The following GALNT13 variants were observed in gnomAD, a reference collection of about 807,000 sequenced individuals.
GALNT13 encodes the protein polypeptide N-acetylgalactosaminyltransferase 13, also known as UDP-GalNAc:polypeptide N-acetylgalactosaminyltransferase 13.
A neutral mutation model predicts 64.2 loss-of-function variants in GALNT13; 28 were observed. The ratio of observed to expected loss-of-function variants is 0.44; its 90% CI spans 0.32 to 0.60. The LOEUF (loss-of-function observed/expected upper bound fraction) is 0.60. Ranked by LOEUF, GALNT13 falls within the 20% of genes least tolerant of loss-of-function variation. GALNT13 has a pLI of 0.05. For missense variants in GALNT13, 577 were observed against 669.8 expected, an observed-to-expected ratio of 0.86 and a Z score of 1.53; for synonymous variants, 214 against 224.6, an observed-to-expected ratio of 0.95 and a Z score of 0.42.
chr2:153,403,867 A>G, the GALNT13 span, among the ~76,000 whole-genome samples: 5 of 152,300 alleles, frequency 3.3e-5, no homozygotes, highest in African/African-American at 9.6e-5. Flanking sequence ...CCTCAGATGG[A>G]AATGCAGAAA....
At chr2:154,070,703 A>C (rs1454735132) in intron 3 of GALNT13, among the ~76,000 whole-genome samples, 1 of 152,066 alleles carries the variant, frequency 6.6e-6, no homozygotes, top group Non-Finnish European at 1.5e-5. Flanking sequence ...AGATCACTTG[A>C]GGTCAGGAGT....
intron 3 of GALNT13, among the ~76,000 whole-genome samples, chr2:153,999,340 C>T (rs1354871425): frequency 1.3e-5 from 2 of 151,276 alleles, no homozygotes; most frequent in Non-Finnish European, 2.9e-5. Flanking sequence ...GGCTAAGACT[C>T]CCAATAGTAT....
chr2:153,651,015 C>T, the GALNT13 span, among the ~76,000 whole-genome samples: 1 of 152,008 alleles, frequency 6.6e-6, no homozygotes, highest in Admixed American at 6.6e-5. Flanking sequence ...TAGAAAATTT[C>T]GCAGACCAAT....
the GALNT13 span, among the ~76,000 whole-genome samples, chr2:153,107,400 T>C: frequency 6.6e-6 from 1 of 152,150 alleles, no homozygotes; most frequent in Non-Finnish European, 1.5e-5. Context: ...GATTTAGTGA[T>C]TAGCATACCT....
the GALNT13 span, among the ~76,000 whole-genome samples, chr2:153,202,990 C>T: frequency 6.6e-6 from 1 of 152,092 alleles, no homozygotes; most frequent in Non-Finnish European, 1.5e-5. Flanking sequence ...TTTCTTACCT[C>T]CAGTTTCTTC....
the GALNT13 span, among the ~76,000 whole-genome samples, chr2:153,843,821 G>C: frequency 6.6e-6 from 1 of 152,136 alleles, no homozygotes; most frequent in Non-Finnish European, 1.5e-5. Context: ...AAGTTTTATG[G>C]CTGACCCAGC....
chr2:153,119,036 T>A, the GALNT13 span, among the ~76,000 whole-genome samples: 4 of 152,178 alleles, frequency 2.6e-5, no homozygotes, highest in East Asian at 5.8e-4. Flanking sequence ...TAAGGGACTT[T>A]CCCTACTCTT....
chr2:154,242,929 G>A, intron 6 of GALNT13, 24 bp downstream of exon 6: 12 of 1,586,922 alleles, frequency 7.6e-6, no homozygotes, highest in Non-Finnish European at 1.0e-5. Flanking sequence ...TGTTCTGTCT[G>A]CCTGGGTTAT....
At chr2:153,237,427 G>C in the GALNT13 span, among the ~76,000 whole-genome samples, 2 of 151,594 alleles carry the variant, frequency 1.3e-5, no homozygotes, top group Non-Finnish European at 2.9e-5. Context: ...TCAAATACTA[G>C]ATCTTATTCA....
chr2:154,049,198 C>T (rs1484657392), intron 3 of GALNT13, among the ~76,000 whole-genome samples: 3 of 151,850 alleles, frequency 2.0e-5, no homozygotes, highest in Admixed American at 6.6e-5. Flanking sequence ...TACACTGATA[C>T]ACTGATCAAT....
At chr2:153,732,300 T>C in the GALNT13 span, among the ~76,000 whole-genome samples, 1 of 152,016 alleles carries the variant, frequency 6.6e-6, no homozygotes, top group Non-Finnish European at 1.5e-5. Flanking sequence ...TTTAGTAGTT[T>C]TGAATCATTT....
chr2:153,362,552 G>GAAAAAAAAAA, the GALNT13 span, among the ~76,000 whole-genome samples: 1 of 16,972 alleles, frequency 5.9e-5, no homozygotes. Flanking sequence ...CAAATGGAGA[G>GAAAAAAAAAA]CAAAAAAAAA....
chr2:154,266,020 C>T (rs1178426183), intron 8 of GALNT13, among the ~76,000 whole-genome samples: 5 of 152,062 alleles, frequency 3.3e-5, no homozygotes, highest in African/African-American at 1.2e-4. Flanking sequence ...GATTGGTCAT[C>T]TGAATAGAGT....
At chr2:153,913,209 A>G (rs989464260) in intron 2 of GALNT13, among the ~76,000 whole-genome samples, 2 of 151,998 alleles carry the variant, frequency 1.3e-5, no homozygotes, top group Non-Finnish European at 2.9e-5. Context: ...TGTCAGTGCA[A>G]GTGGTGGGTG....
At chr2:154,364,393 G>A (rs1402557679) in intron 9 of GALNT13, among the ~76,000 whole-genome samples, 3 of 152,206 alleles carry the variant, frequency 2.0e-5, no homozygotes, top group South Asian at 4.1e-4. Context: ...TGATGATTAC[G>A]GAAGACTGGC....
At chr2:153,119,549 ACT>A in the GALNT13 span, among the ~76,000 whole-genome samples, 9 of 152,340 alleles carry the variant, frequency 5.9e-5, 1 homozygote, top group African/African-American at 2.2e-4. Flanking sequence ...TAAAAATGGC[ACT>A]GTTAGTGCCC....
chr2:154,008,839 A>G (rs925459786), intron 3 of GALNT13, among the ~76,000 whole-genome samples: 9 of 152,132 alleles, frequency 5.9e-5, no homozygotes, highest in African/African-American at 2.2e-4. Context: ...TATCCAGTCT[A>G]CCGTTTATGG....
At chr2:153,352,149 A>G in the GALNT13 span, among the ~76,000 whole-genome samples, 4 of 152,106 alleles carry the variant, frequency 2.6e-5, no homozygotes, top group Admixed American at 1.3e-4. Flanking sequence ...CATTATGGCT[A>G]TTCTAATAGG....
chr2:154,235,942 C>T, intron 4 of GALNT13: 1 of 401,370 alleles, frequency 2.5e-6, no homozygotes, highest in South Asian at 3.0e-5. Context: ...AATACTATTT[C>T]ACTGTATTGC....
Sources: allele counts gnomAD v4.1 joint callset (sites outside exome capture counted in the v4.1 genomes callset), GRCh38; gene constraint gnomAD v4.1.1; transcripts MANE v1.5; gene names NCBI Gene and HGNC (gene_info 2026-07-23, HGNC 2026-07-21).